ATF7IP2: variants seen among roughly 807,000 people sequenced by gnomAD.
ATF7IP2 encodes activating transcription factor 7-interacting protein 2.
Under a neutral mutation model 64.2 loss-of-function variants are expected in ATF7IP2, and 42 were observed. The observed-to-expected ratio is 0.65, with a 90% CI of 0.51 to 0.85. The LOEUF is 0.85. Among genes scored for constraint, ATF7IP2 ranks in the 40% least tolerant of loss-of-function variants. ATF7IP2 has a pLI of 0.00. For missense variants in ATF7IP2, 933 were observed against 784.2 expected, an observed-to-expected ratio of 1.19 and a Z score of -2.27; for synonymous variants, 308 against 272.8, an observed-to-expected ratio of 1.13 and a Z score of -1.27.
chr16:10,393,315 C>CA (rs58879332), intron 1 of ATF7IP2, among the ~76,000 whole-genome samples: 1,648 of 77,112 alleles, frequency 0.021, 121 homozygotes, highest in Admixed American at 0.037. Context: ...GACTCTGTCT[C>CA]AAAAAAAAAA....
At chr16:10,436,832 C>A (rs1261994683) in intron 6 of ATF7IP2, among the ~76,000 whole-genome samples, 1 of 152,010 alleles carries the variant, frequency 6.6e-6, no homozygotes, top group African/African-American at 2.4e-5. Context: ...GAATGTATGG[C>A]TCAGCAGAGC....
intron 8 of ATF7IP2, chr16:10,446,909 T>G (rs2048825951): frequency 1.3e-5 from 2 of 152,160 alleles, no homozygotes; most frequent in South Asian, 4.2e-4. Context: ...TTCTTGCCTT[T>G]CCTTTCCTAT....
At chr16:10,415,875 A>T (rs1038226795) in intron 2 of ATF7IP2, among the ~76,000 whole-genome samples, 13 of 152,230 alleles carry the variant, frequency 8.5e-5, no homozygotes, top group African/African-American at 2.4e-4. Flanking sequence ...TTGATCATCA[A>T]CAAAATGCAA....
chr16:10,456,114 G>A (rs1246403358), intron 8 of ATF7IP2, among the ~76,000 whole-genome samples: 1 of 152,036 alleles, frequency 6.6e-6, no homozygotes, highest in Admixed American at 6.6e-5. Context: ...TGAGTAGCTG[G>A]GATTACCGGG....
At chr16:10,458,924 G>A (rs1275697178) in intron 9 of ATF7IP2, among the ~76,000 whole-genome samples, 3 of 152,144 alleles carry the variant, frequency 2.0e-5, no homozygotes, top group East Asian at 1.9e-4. Context: ...GGTGGCTCAC[G>A]CCTGTAATCC....
chr16:10,411,323 G>A (rs2047753681), intron 1 of ATF7IP2, among the ~76,000 whole-genome samples: 1 of 149,032 alleles, frequency 6.7e-6, no homozygotes, highest in Admixed American at 6.7e-5. Context: ...CGATTCAGCT[G>A]TGAGTCTGTC....
chr16:10,481,209 G>A (rs866027661), intron 13 of ATF7IP2, among the ~76,000 whole-genome samples: 3 of 152,200 alleles, frequency 2.0e-5, no homozygotes, highest in Non-Finnish European at 4.4e-5. Flanking sequence ...TGTTGATGAG[G>A]ATGGGAGGAA....
chr16:10,473,878 AG>A, intron 11 of ATF7IP2, 44 bp from the exon 12 acceptor site: 1 of 1,208,568 alleles, frequency 8.3e-7, no homozygotes, highest in Non-Finnish European at 1.2e-6. Context: ...AAACATTTTC[AG>A]CTATTGAGGC....
At chr16:10,439,825 C>T (rs921181719) in intron 7 of ATF7IP2, among the ~76,000 whole-genome samples, 12 of 151,526 alleles carry the variant, frequency 7.9e-5, no homozygotes, top group Admixed American at 2.0e-4. Context: ...TGAGCCACTG[C>T]GCCCGGCCGA....
At chr16:10,437,110 C>T (rs149403995) in intron 6 of ATF7IP2, among the ~76,000 whole-genome samples, 415 of 150,274 alleles carry the variant, frequency 2.8e-3, no homozygotes, top group Non-Finnish European at 4.9e-3. Context: ...CAACCTCCAC[C>T]TCCTGGATTC....
At chr16:10,450,535 C>G (rs945842606) in intron 8 of ATF7IP2, among the ~76,000 whole-genome samples, 1 of 152,050 alleles carries the variant, frequency 6.6e-6, no homozygotes, top group African/African-American at 2.4e-5. Context: ...GATAGTTCTT[C>G]TTGTTTCATT....
intron 5 of ATF7IP2, among the ~76,000 whole-genome samples, chr16:10,431,990 A>ATT (rs34029007): frequency 0.018 from 2,044 of 111,498 alleles, 56 homozygotes; most frequent in African/African-American, 0.037. Context: ...CGCCCGGCTA[A>ATT]TTTTTTTTTT....
intron 1 of ATF7IP2, among the ~76,000 whole-genome samples, chr16:10,393,914 T>C (rs1291969180): frequency 6.6e-6 from 1 of 152,162 alleles, no homozygotes; most frequent in Non-Finnish European, 1.5e-5. Context: ...TGATGGCACA[T>C]ACGTGTAGTC....
At chr16:10,396,314 C>G (rs2141753795) in intron 1 of ATF7IP2, among the ~76,000 whole-genome samples, 1 of 152,220 alleles carries the variant, frequency 6.6e-6, no homozygotes, top group South Asian at 2.1e-4. Context: ...AATATTTTCT[C>G]CCATTTCATA....
chr16:10,417,057 T>C (rs1005112178), intron 2 of ATF7IP2, among the ~76,000 whole-genome samples: 2 of 151,942 alleles, frequency 1.3e-5, no homozygotes, highest in African/African-American at 4.8e-5. Context: ...TGAAACCTCA[T>C]GAAAGTATAA....
chr16:10,400,590 A>G lies in ATF7IP2; in HGVS notation c.-241-13984A>G, dbSNP rs77066174. On this transcript the variant is annotated intron_variant, in intron 1 of 13. Transcript: ENST00000562102. ...TCAAGTTCTTAGAGGGGATTCTTTC[A>G]ACCTTTCTTGATTTAGTATGATTTT... Among the ~76,000 whole-genome samples the G allele has an allele frequency of 5.0e-3, 765 of 152,244 alleles. 8 individuals carry two copies. The highest frequency in any genetic ancestry group is 7.7e-3 in the Non-Finnish European group (526 of 68,022).
chr16:10,465,278 G>C (rs1257996823), intron 9 of ATF7IP2, among the ~76,000 whole-genome samples: 1 of 152,124 alleles, frequency 6.6e-6, no homozygotes, highest in East Asian at 1.9e-4. Context: ...TCTGTCTCCA[G>C]AAACTATGCT....
At chr16:10,404,103 G>T (rs1006781281) in intron 1 of ATF7IP2, among the ~76,000 whole-genome samples, 1 of 152,134 alleles carries the variant, frequency 6.6e-6, no homozygotes, top group Non-Finnish European at 1.5e-5. Flanking sequence ...AGGAAAATAT[G>T]TTGCAACATG....
intron 1 of ATF7IP2, among the ~76,000 whole-genome samples, chr16:10,391,351 G>A (rs964363491): frequency 5.3e-5 from 8 of 151,340 alleles, no homozygotes; most frequent in African/African-American, 1.9e-4. Flanking sequence ...AACCCAGGAG[G>A]CAGAGGTTGC....
Sources: gnomAD v4.1 joint callset for allele counts (sites outside exome capture counted in the v4.1 genomes callset) on GRCh38, gnomAD v4.1.1 for gene constraint, MANE v1.5 for transcripts, NCBI Gene and HGNC (gene_info 2026-07-23, HGNC 2026-07-21) for gene names.